Variants in DSCAM observed in about 807,000 individuals in gnomAD.
DSCAM encodes DS cell adhesion molecule.
In DSCAM, 47 loss-of-function variants were observed where a neutral mutation model predicts 217.7. The observed-to-expected ratio is 0.22, with a 90% CI of 0.17 to 0.28. The LOEUF is 0.28. Among genes scored for constraint, DSCAM ranks in the 10% least tolerant of loss-of-function variants. The pLI is 1.00. For synonymous variants in DSCAM, 1,056 were observed against 1,015.3 expected (o/e 1.04, Z -0.76); for missense variants, 2,080 against 2,618.3 (o/e 0.79, Z 4.49).
intron 9 of DSCAM, among the ~76,000 whole-genome samples, chr21:40,301,835 G>A (rs776417109): frequency 6.6e-6 from 1 of 152,162 alleles, no homozygotes; most frequent in African/African-American, 2.4e-5. Flanking sequence ...AGTTAATAAC[G>A]CAGATCAGGG....
intron 3 of DSCAM, among the ~76,000 whole-genome samples, chr21:40,535,914 G>GA (rs1228205547): frequency 2.0e-5 from 3 of 151,894 alleles, no homozygotes; most frequent in Admixed American, 1.3e-4. Flanking sequence ...TGATTTGGGA[G>GA]AAAAAAACAC....
chr21:40,138,811 T>TGTGTACGTGTGGTGTGGTGTGTG (rs2090248990), intron 18 of DSCAM, among the ~76,000 whole-genome samples: 2 of 146,850 alleles, frequency 1.4e-5, no homozygotes, highest in Non-Finnish European at 3.0e-5. Flanking sequence ...ATGTGTGGTG[T>TGTGTACGTGTGGTGTGGTGTGTG]GTGTACGTGT....
At chr21:40,443,144 A>G (rs1382965975) in intron 3 of DSCAM, among the ~76,000 whole-genome samples, 1 of 152,222 alleles carries the variant, frequency 6.6e-6, no homozygotes, top group Non-Finnish European at 1.5e-5. Flanking sequence ...GGCTATGTGG[A>G]TCTTCTGAGT....
intron 1 of DSCAM, among the ~76,000 whole-genome samples, chr21:40,791,589 C>G (rs968551668): frequency 6.6e-6 from 1 of 152,150 alleles, no homozygotes; most frequent in African/African-American, 2.4e-5. Context: ...GGAGGTGGAG[C>G]TTGCAGTGAG....
At chr21:40,098,967 G>C (rs1490787438) in intron 20 of DSCAM, among the ~76,000 whole-genome samples, 1 of 152,098 alleles carries the variant, frequency 6.6e-6, no homozygotes, top group African/African-American at 2.4e-5. Context: ...CCTGTTTCCT[G>C]ATAAACCAAA....
intron 3 of DSCAM, among the ~76,000 whole-genome samples, chr21:40,592,190 G>A (rs2076988890): frequency 6.6e-6 from 1 of 152,164 alleles, no homozygotes; most frequent in South Asian, 2.1e-4. Flanking sequence ...TATATAAAAT[G>A]TTAAATTTTT....
rs201084256 is a variant in DSCAM at position 40,037,629 on chromosome 21, C to G, written c.5686+4742G>C. Among the ~76,000 whole-genome samples the G allele has an allele frequency of 8.8e-3, 1,295 of 147,274 alleles. 39 individuals carry two copies. The highest frequency in any genetic ancestry group is 0.033 in the African/African-American group (1,218 of 37,102). ...CAGATTCAATGCCATCCCCATCAAGCTACCAATGCCTTTCTTCACAGAATT... is the reference window on the plus strand; with the variant it reads ...CAGATTCAATGCCATCCCCATCAAGGTACCAATGCCTTTCTTCACAGAATT... On this transcript the variant is annotated intron_variant, in intron 32 of 32. Transcript: ENST00000400454.
intron 1 of DSCAM, among the ~76,000 whole-genome samples, chr21:40,763,003 G>T (rs922381559): frequency 6.6e-6 from 1 of 152,130 alleles, no homozygotes; most frequent in South Asian, 2.1e-4. Context: ...ATGGGCAAAA[G>T]CTGGAAGCGT....
chr21:40,051,326 GTAAT>G (rs2088927063), intron 30 of DSCAM, among the ~76,000 whole-genome samples: 3 of 152,272 alleles, frequency 2.0e-5, no homozygotes, highest in South Asian at 4.1e-4. Flanking sequence ...CTTCATTGCA[GTAAT>G]TAATTTCCAT....
intron 32 of DSCAM, among the ~76,000 whole-genome samples, chr21:40,038,321 G>A (rs1409564126): frequency 2.8e-5 from 2 of 72,006 alleles, no homozygotes; most frequent in Non-Finnish European, 5.4e-5. Flanking sequence ...AAATTTACAA[G>A]ATAAAAACAA....
At chr21:40,340,358 T>C (rs1490440481) in intron 6 of DSCAM, among the ~76,000 whole-genome samples, 4 of 152,342 alleles carry the variant, frequency 2.6e-5, no homozygotes, top group Admixed American at 2.6e-4. Flanking sequence ...ATCATCCATA[T>C]GGTTTTTTCT....
In DSCAM at chr21:40,742,247, T is replaced by C. The variant is rs528324090; in HGVS notation, c.44-33476A>G. Among the ~76,000 whole-genome samples, 3 of 152,378 alleles carry C rather than the reference T, an allele frequency of 2.0e-5. No homozygotes were observed. In the South Asian group the frequency reaches 6.2e-4, roughly 32 times the overall value. The stretch of plus-strand genomic sequence containing the variant: ...GGACAGTGAATTGATTTCTGATTAC[T>C]TCACTATGCAGCTCATTTCCCAATT... On this transcript the variant is annotated intron_variant, in intron 1 of 32. Transcript: ENST00000400454.
intron 26 of DSCAM, among the ~76,000 whole-genome samples, chr21:40,076,029 C>T (rs2146547921): frequency 6.6e-6 from 1 of 152,194 alleles, no homozygotes; most frequent in South Asian, 2.1e-4. Context: ...CACGCCACTG[C>T]ACTTTCCATG....
At position 40,208,391 on chromosome 21, in the gene DSCAM, C is replaced by T. The variant is rs141300438; in HGVS notation, c.2357-19153G>A. Among the ~76,000 whole-genome samples the T allele has an allele frequency of 9.9e-3, 1,511 of 152,340 alleles. 29 individuals carry two copies. Among genetic ancestry groups the T allele is most frequent in the African/African-American group, 0.033 (1,358 of 41,584 alleles). ...ATAGCTCGAGCCTGGGAAGCAGACACTGCAGTGAGCTGAGATTGCGCCATT... is the reference window on the plus strand; with the variant it reads ...ATAGCTCGAGCCTGGGAAGCAGACATTGCAGTGAGCTGAGATTGCGCCATT... On this transcript the variant is annotated intron_variant, in intron 11 of 32. Transcript: ENST00000400454.
intron 3 of DSCAM, among the ~76,000 whole-genome samples, chr21:40,471,923 C>T (rs1050890437): frequency 6.6e-6 from 1 of 152,104 alleles, no homozygotes; most frequent in African/African-American, 2.4e-5. Flanking sequence ...AGGTATATCT[C>T]CTAATGCTAT....
intron 3 of DSCAM, among the ~76,000 whole-genome samples, chr21:40,521,619 A>G (rs1302807000): frequency 6.6e-6 from 1 of 150,770 alleles, no homozygotes; most frequent in Non-Finnish European, 1.5e-5. Context: ...ATGTATTCTG[A>G]ATATTAACCC....
At chr21:40,636,386 GAGAA>G (rs748255423) in intron 3 of DSCAM, among the ~76,000 whole-genome samples, 6 of 152,004 alleles carry the variant, frequency 3.9e-5, no homozygotes, top group Non-Finnish European at 7.4e-5. Flanking sequence ...GGGAGAGAGA[GAGAA>G]AGAAAGAGAG....
At chr21:40,678,028 C>T (rs1265099725) in intron 3 of DSCAM, among the ~76,000 whole-genome samples, 1 of 151,836 alleles carries the variant, frequency 6.6e-6, no homozygotes. Flanking sequence ...TTCAGATATA[C>T]AACATATTAT....
chr21:40,209,370 C>A (rs1156926791), intron 11 of DSCAM, among the ~76,000 whole-genome samples: 1 of 152,308 alleles, frequency 6.6e-6, no homozygotes, highest in South Asian at 2.1e-4. Flanking sequence ...ATAGACGTTG[C>A]ATGGCGATGC....
Sources: allele counts gnomAD v4.1 joint callset (sites outside exome capture counted in the v4.1 genomes callset), GRCh38; gene constraint gnomAD v4.1.1; transcripts MANE v1.5; gene names NCBI Gene and HGNC (gene_info 2026-07-23, HGNC 2026-07-21).